The following ESR1 variants were observed in gnomAD, a reference collection of about 807,000 sequenced individuals.
ESR1 encodes estrogen receptor 1.
Under a neutral mutation model 52.7 loss-of-function variants are expected in ESR1, and 12 were observed. The observed-to-expected ratio is 0.23, with a 90% CI of 0.15 to 0.37. The LOEUF (loss-of-function observed/expected upper bound fraction) is 0.37, where lower values mean the gene tolerates loss of function less well. ESR1 is among the 10% of genes least tolerant of loss of function. The probability of loss-of-function intolerance (pLI) is 1.00; values close to 1 mark genes in which losing one functional copy is unlikely to be tolerated. For missense variants in ESR1, 584 were observed against 779.7 expected, an observed-to-expected ratio of 0.75 and a Z score of 2.99; for synonymous variants, 305 against 316.8, an observed-to-expected ratio of 0.96 and a Z score of 0.39.
rs756248489 is a variant in ESR1, at chr6:151,993,248, ACT to A, written c.1097-18405_1097-18404del. Among the ~76,000 whole-genome samples, 3 of 152,192 alleles carry A rather than the reference ACT, an allele frequency of 2.0e-5. No individual in the cohort carries two copies. The South Asian group carries it at 6.2e-4, about 32-fold the overall frequency. ...ATCTATAAAGGAGAAAACATCTTGA[ACT>A]CTGTGGAGATAATAAAACCATATTC... On this transcript the variant is annotated intron_variant, in intron 4 of 7. Coordinates refer to ENST00000206249, the MANE Select transcript of ESR1 (RefSeq NM_000125.4).
At chr6:151,979,985 C>CTAT (rs777796331) in intron 4 of ESR1, among the ~76,000 whole-genome samples, 1 of 152,140 alleles carries the variant, frequency 6.6e-6, no homozygotes, top group African/African-American at 2.4e-5. Context: ...TTGCATAATG[C>CTAT]TATTGCCTAG....
rs150059214 is a variant in ESR1 at position 151,930,060 on chromosome 6, C to T, written c.761-14113C>T. The stretch of plus-strand genomic sequence containing the variant: ...GTGCAATGGTGCGATCTTGGCTTAC[C>T]GCAACCTCTGCCTCCTGGGTTCAAG... On this transcript the variant is annotated intron_variant, in intron 3 of 7. Coordinates refer to ENST00000206249, the MANE Select transcript of ESR1 (RefSeq NM_000125.4). 4.4e-4 allele frequency among the ~76,000 whole-genome samples: 66 copies of T among 151,650 alleles called. No individual in the cohort carries two copies. The East Asian group carries it at 7.8e-3, about 18-fold the overall frequency.
At chr6:152,096,510 T>C in intron 7 of ESR1, 1 of 367,808 alleles carries the variant, frequency 2.7e-6, no homozygotes, top group Non-Finnish European at 5.6e-6. Context: ...GACTTACATA[T>C]GGTATATGCC....
At position 151,669,185 on chromosome 6, in the gene ESR1, AGAGATGGG is replaced by A. The variant is rs1429923096; in HGVS notation, n.73+12423_73+12430del. On this transcript the variant is annotated intron_variant and non_coding_transcript_variant, in intron 1 of 2. Coordinates refer to the ESR1 transcript ENST00000473497. ...GAGAGAGAGAGAGAGAGAGAGAGAG[AGAGATGGG>A]AATCCAGGGGAGAACAGAACAAGTG... 1.7e-3 allele frequency among the ~76,000 whole-genome samples: 196 copies of A among 115,358 alleles called. 3 individuals are homozygous for A. The highest frequency in any genetic ancestry group is 2.1e-3 in the South Asian group (7 of 3,298). 75.7% of individuals were successfully genotyped at this position (115,358 alleles called of 152,430 possible).
chr6:152,075,513 A>C (rs2048671039), intron 6 of ESR1, among the ~76,000 whole-genome samples: 1 of 152,218 alleles, frequency 6.6e-6, no homozygotes, highest in Admixed American at 6.5e-5. Context: ...AATACACCTA[A>C]AGAATATGCA....
rs2051011772 is a variant in ESR1 at position 152,103,176 on chromosome 6, A to C, written c.*4210A>C. The C allele has an allele frequency of 5.0e-6, 1 of 201,312 alleles. No homozygotes were observed. The highest frequency in any genetic ancestry group is 2.3e-5 in the African/African-American group (1 of 43,512). 12.5% of individuals were successfully genotyped at this position (201,312 alleles called of 1,614,324 possible). A position where few individuals can be genotyped will look rare whatever the true frequency, so the allele number is the denominator to read the frequency against. On this transcript the variant is annotated 3_prime_UTR_variant, in exon 8 of 8. Coordinates refer to ENST00000206249, the MANE Select transcript of ESR1 (RefSeq NM_000125.4). ...TTTGTTTAATGAAACACACTTGTAA[A>C]CCTCTTTTGCACTTTGAAAAAGAAT...
At chr6:152,018,360 G>A (rs1304999490) in intron 5 of ESR1, among the ~76,000 whole-genome samples, 1 of 149,730 alleles carries the variant, frequency 6.7e-6, no homozygotes, top group African/African-American at 2.5e-5. Flanking sequence ...ATATTTATTA[G>A]CTATCTTTTT....
intron 2 of ESR1, among the ~76,000 whole-genome samples, chr6:151,777,962 A>AAAAT (rs568443489): frequency 4.0e-4 from 61 of 152,230 alleles, no homozygotes; most frequent in Middle Eastern, 3.4e-3. Context: ...CTCTGTCTCA[A>AAAAT]AAATAAATAA....
rs138813236 is a variant in ESR1 at position 151,934,162 on chromosome 6, C to T, written c.761-10011C>T. Among the ~76,000 whole-genome samples the T allele has an allele frequency of 3.4e-3, 517 of 152,292 alleles. 1 individual carries two copies. Among genetic ancestry groups the T allele is most frequent in the Non-Finnish European group, 5.5e-3 (376 of 68,024 alleles). ...GGCTCTTACTAGAAACCTTTGAACC[C>T]GTTTCCTTCCCAGTGTCAGTATTTG... On this transcript the variant is annotated intron_variant, in intron 3 of 7. Coordinates refer to ENST00000206249, the MANE Select transcript of ESR1 (RefSeq NM_000125.4).
Position 151,962,870 on chromosome 6 carries a change from C to T in ESR1, c.1096+18362C>T, listed in dbSNP as rs188708337. On this transcript the variant is annotated intron_variant, in intron 4 of 7. Coordinates refer to ENST00000206249, the MANE Select transcript of ESR1 (RefSeq NM_000125.4). ...TGAGTTTTTTAAAATTGTGCCTGTC[C>T]TGTTTTTAAATTCCAAGAGATATTC... 4.1e-3 allele frequency among the ~76,000 whole-genome samples: 626 copies of T among 152,092 alleles called. 1 individual carries two copies. Among genetic ancestry groups the T allele is most frequent in the Middle Eastern group, 6.8e-3 (2 of 294 alleles).
At chr6:151,723,963 A>T (rs555597111) in intron 2 of ESR1, among the ~76,000 whole-genome samples, 1 of 152,252 alleles carries the variant, frequency 6.6e-6, no homozygotes, top group South Asian at 2.1e-4. Context: ...TGAAAAAGGC[A>T]TAGGTACAAG....
At chr6:151,979,902 A>C (rs1584616053) in intron 4 of ESR1, among the ~76,000 whole-genome samples, 1 of 152,190 alleles carries the variant, frequency 6.6e-6, no homozygotes. Flanking sequence ...TTGGTTTTTC[A>C]ATAAGAAATA....
At chr6:151,787,648 C>T (rs1423593865) in intron 2 of ESR1, among the ~76,000 whole-genome samples, 7 of 152,034 alleles carry the variant, frequency 4.6e-5, no homozygotes, top group African/African-American at 1.7e-4. Flanking sequence ...CTTTGCTTGA[C>T]TATTTTTGGT....
intron 5 of ESR1, among the ~76,000 whole-genome samples, chr6:152,025,837 A>G (rs890941590): frequency 6.6e-6 from 1 of 152,010 alleles, no homozygotes; most frequent in Non-Finnish European, 1.5e-5. Context: ...TCATTTCATG[A>G]TATAGGTAAC....
intron 2 of ESR1, among the ~76,000 whole-genome samples, chr6:151,793,881 G>A (rs1036740384): frequency 6.6e-6 from 1 of 152,214 alleles, no homozygotes; most frequent in African/African-American, 2.4e-5. Flanking sequence ...CTGCTCCCCA[G>A]AGAGAAATTA....
intron 1 of ESR1, among the ~76,000 whole-genome samples, chr6:151,809,986 A>G (rs12660738): frequency 0.02 from 3,055 of 152,084 alleles, 191 homozygotes; most frequent in East Asian, 0.14. Flanking sequence ...TAACCTTATG[A>G]TGGACTCCAG....
At chr6:152,119,900 A>G (rs530822616) in intron 6 of ESR1, among the ~76,000 whole-genome samples, 9 of 152,268 alleles carry the variant, frequency 5.9e-5, no homozygotes, top group East Asian at 1.9e-4. Flanking sequence ...CATGGGTTCA[A>G]TGTTTGCACT....
At chr6:152,036,222 T>A (rs2045291697) in intron 5 of ESR1, among the ~76,000 whole-genome samples, 1 of 152,038 alleles carries the variant, frequency 6.6e-6, no homozygotes, top group Admixed American at 6.6e-5. Flanking sequence ...TAGCTGGGCG[T>A]GGTGGCGGGT....
At chr6:151,747,940 C>T (rs900328076) in intron 2 of ESR1, among the ~76,000 whole-genome samples, 1 of 152,098 alleles carries the variant, frequency 6.6e-6, no homozygotes, top group South Asian at 2.1e-4. Flanking sequence ...TTGCTATGAA[C>T]GTTTGTGTGT....
Sources: allele counts gnomAD v4.1 joint callset (sites outside exome capture counted in the v4.1 genomes callset), GRCh38; gene constraint gnomAD v4.1.1; transcripts MANE v1.5; gene names NCBI Gene and HGNC (gene_info 2026-07-23, HGNC 2026-07-21).